Variants in TMEM143 observed in about 807,000 individuals in gnomAD.
TMEM143 encodes the protein transmembrane protein 143.
Under a neutral mutation model 40.3 loss-of-function variants are expected in TMEM143, and 45 were observed. The observed-to-expected ratio is 1.12, with a 90% CI of 0.88 to 1.43. TMEM143 has a LOEUF of 1.43. Ranked by LOEUF, TMEM143 falls within the 40% of genes most tolerant of loss-of-function variation. The probability of loss-of-function intolerance (pLI) is 0.00; values close to 1 mark genes in which losing one functional copy is unlikely to be tolerated. For missense variants in TMEM143, 620 were observed against 613.4 expected, an observed-to-expected ratio of 1.01 and a Z score of -0.11; for synonymous variants, 299 against 282.7, an observed-to-expected ratio of 1.06 and a Z score of -0.58.
intron 3 of TMEM143, 67 bp downstream of exon 3, chr19:48,360,005 G>C: frequency 6.7e-7 from 1 of 1,502,794 alleles, no homozygotes; most frequent in Non-Finnish European, 9.2e-7. Flanking sequence ...GAAGGTGTCA[G>C]GGAATGTTTG....
At chr19:48,355,836 T>C (rs1485616705) in intron 3 of TMEM143, among the ~76,000 whole-genome samples, 1 of 152,160 alleles carries the variant, frequency 6.6e-6, no homozygotes, top group Non-Finnish European at 1.5e-5. Context: ...TGCTGTGTGT[T>C]AATGTTGTCA....
chr19:48,358,308 C>G (rs1358215097), intron 3 of TMEM143, among the ~76,000 whole-genome samples: 2 of 151,410 alleles, frequency 1.3e-5, no homozygotes, highest in African/African-American at 2.4e-5. Context: ...CACTTCAACC[C>G]GGAAGACAGA....
chr19:48,347,797 C>G (rs534894817), intron 3 of TMEM143, among the ~76,000 whole-genome samples: 1 of 151,420 alleles, frequency 6.6e-6, no homozygotes, highest in South Asian at 2.1e-4. Flanking sequence ...ACCTTGTGAT[C>G]CACCTGCCTT....
chr19:48,348,996 C>A lies in TMEM143; in HGVS notation c.370-3642G>T, dbSNP rs146940962. On this transcript the variant is annotated intron_variant, in intron 3 of 7. Transcript: ENST00000293261. ...TTTGAAACCAGCCTGGGCAACACAG[C>A]AAGATCCCATCTCTACCAAAAAAAA... 1.7e-3 allele frequency among the ~76,000 whole-genome samples: 265 copies of A among 151,734 alleles called. 2 individuals carry two copies. Among genetic ancestry groups the A allele is most frequent in the African/African-American group, 6.1e-3 (251 of 41,366 alleles).
intron 6 of TMEM143, among the ~76,000 whole-genome samples, chr19:48,334,474 CTTTCTTTT>C (rs1176544262): frequency 2.5e-4 from 12 of 47,904 alleles, no homozygotes; most frequent in South Asian, 6.3e-4. Flanking sequence ...TTCTTTCTTT[CTTTCTTTT>C]TCTTTCTTTC....
rs1316711001 is a variant in TMEM143 at position 48,332,539 on chromosome 19, T to G, written c.*680A>C. ...CCGGGAGCCAGGTTGGGAGCGAGTC[T>G]TGGTGGCGAGGGTGGTTTCTGGTTC... On this transcript the variant is annotated 3_prime_UTR_variant, in exon 8 of 8. Transcript: ENST00000293261. 6.6e-6 allele frequency: 1 copy of G among 152,186 alleles called. No individual in the cohort carries two copies. Among genetic ancestry groups the G allele is most frequent in the Non-Finnish European group, 1.5e-5 (1 of 68,036 alleles). The allele number at this position is 152,186 out of a possible 1,614,324, so 9.4% of individuals were successfully genotyped here. A position where few individuals can be genotyped will look rare whatever the true frequency, so the allele number is the denominator to read the frequency against.
intron 3 of TMEM143, among the ~76,000 whole-genome samples, chr19:48,359,143 C>A (rs1969975623): frequency 6.6e-6 from 1 of 152,100 alleles, no homozygotes; most frequent in South Asian, 2.1e-4. Context: ...GCACTCCAGC[C>A]TGGGCAACAG....
chr19:48,363,608 C>T (rs1162386516), intron 1 of TMEM143, 77 bp from the exon 2 acceptor site: 3 of 1,516,128 alleles, frequency 2.0e-6, no homozygotes, highest in Middle Eastern at 1.8e-4. Flanking sequence ...GTCCCACCCT[C>T]CAGAAGCCGT....
intron 3 of TMEM143, among the ~76,000 whole-genome samples, chr19:48,357,847 T>C (rs1213566599): frequency 2.6e-5 from 4 of 151,912 alleles, no homozygotes; most frequent in Non-Finnish European, 2.9e-5. Context: ...AATAGCCGTA[T>C]TCTCACTTTA....
Position 48,363,297 on chromosome 19 carries a change from T to C in TMEM143, c.258A>G (p.Leu86=), listed in dbSNP as rs764325991. 6.8e-6 allele frequency: 11 copies of C among 1,613,484 alleles called. No individual in the cohort carries two copies. The highest frequency in any genetic ancestry group is 2.2e-5 in the East Asian group (1 of 44,886). Residue 86 remains leucine, a synonymous_variant, in exon 2 of 8, where the codon CTA becomes CTG. Coordinates refer to ENST00000293261, the MANE Select transcript of TMEM143 (RefSeq NM_018273.4). ...PFSKEQLLRL[L]IQEFHSSPAE... ...GGCCTGGGACAGGCGGTACCTGTATTAGGAGGCGGAGCAGCTGCTCCTTGG... is the reference window on the plus strand; with the variant it reads ...GGCCTGGGACAGGCGGTACCTGTATCAGGAGGCGGAGCAGCTGCTCCTTGG...
rs1969314623 is a variant in TMEM143 at position 48,334,465 on chromosome 19, TC to T, written c.976-269del. ...TTCTTTCTTTCTTTCTTTCTTTCTT[TC>T]TTTCTTTCTTTCTTTTTCTTTCTTT... On this transcript the variant is annotated intron_variant, in intron 6 of 7. Transcript: ENST00000293261. 3.7e-5 allele frequency among the ~76,000 whole-genome samples: 2 copies of T among 53,652 alleles called. 1 individual carries two copies. Among genetic ancestry groups the T allele is most frequent in the Non-Finnish European group, 9.6e-5 (2 of 20,788 alleles). 35.2% of individuals were successfully genotyped at this position (53,652 alleles called of 152,430 possible). A position where few individuals can be genotyped will look rare whatever the true frequency, so the allele number is the denominator to read the frequency against.
At chr19:48,342,002 C>T (rs959635116) in intron 6 of TMEM143, among the ~76,000 whole-genome samples, 2 of 149,972 alleles carry the variant, frequency 1.3e-5, no homozygotes, top group Non-Finnish European at 1.5e-5. Flanking sequence ...AGAAACCCCC[C>T]TAAGGGGTGT....
At chr19:48,354,858 A>G (rs1433970960) in intron 3 of TMEM143, among the ~76,000 whole-genome samples, 1 of 152,112 alleles carries the variant, frequency 6.6e-6, no homozygotes, top group Non-Finnish European at 1.5e-5. Context: ...AAAGGACTTA[A>G]GTCATCAGCA....
Position 48,334,133 on chromosome 19 carries a change from G to C in TMEM143, c.1040C>G (p.Thr347Arg), listed in dbSNP as rs768613206. The change falls in exon 7 of 8, where the codon ACG becomes AGG. Residue 347 changes from threonine to arginine, a missense_variant. By Grantham distance (71) the Thr-to-Arg change is moderately conservative. Transcript: ENST00000293261. ...ELAHMLYYRS[T>R]SNNSELLSAL... ...GCTGAGCAGCTCCGAGTTGTTGGAC[G>C]TACTGCGATAGTACAGCATGTGCGC... is the stretch of plus-strand genomic sequence containing the variant. 1.1e-5 allele frequency: 18 copies of C among 1,607,590 alleles called. No homozygotes were observed. Among genetic ancestry groups the C allele is most frequent in the Non-Finnish European group, 1.4e-5 (16 of 1,177,654 alleles).
chr19:48,334,452 TTCTTTC>T (rs1969308841), intron 6 of TMEM143, among the ~76,000 whole-genome samples: 1 of 46,254 alleles, frequency 2.2e-5, no homozygotes, highest in African/African-American at 9.0e-5. Flanking sequence ...CTTTCTTTCT[TTCTTTC>T]TTTCTTTCTT....
Position 48,363,360 on chromosome 19 carries a change from G to A in TMEM143, c.195C>T (p.Asp65=). 3 of 1,614,246 alleles carry A rather than the reference G, an allele frequency of 1.9e-6. No individual in the cohort carries two copies. Among genetic ancestry groups the A allele is most frequent in the Non-Finnish European group, 2.5e-6 (3 of 1,180,042 alleles). The change falls in exon 2 of 8, where the codon GAC becomes GAT. Residue 65 remains aspartate (D), a synonymous_variant. Transcript: ENST00000293261. ...RKMWNPREPR[D]WAQQYRERFI... is the part of the protein sequence containing the mutation. ...AGCGCTCGCGGTACTGCTGGGCCCA[G>A]TCGCGGGGCTCCCTGGGGTTCCACA...
chr19:48,355,264 C>T (rs1202888039), intron 3 of TMEM143, among the ~76,000 whole-genome samples: 2 of 152,018 alleles, frequency 1.3e-5, no homozygotes, highest in African/African-American at 2.4e-5. Context: ...CTCCTGGGCT[C>T]AAGTGATCCG....
intron 1 of TMEM143, 133 bp downstream of exon 1, chr19:48,363,765 G>T: frequency 6.7e-7 from 1 of 1,495,456 alleles, no homozygotes; most frequent in Non-Finnish European, 9.3e-7. Context: ...CAGAGACCCT[G>T]TAGTGGTACA....
At chr19:48,338,272 C>G (rs1969416242) in intron 6 of TMEM143, among the ~76,000 whole-genome samples, 1 of 152,200 alleles carries the variant, frequency 6.6e-6, no homozygotes, top group Non-Finnish European at 1.5e-5. Flanking sequence ...CTGCATCACT[C>G]CAGCCTCCTC....
Sources: allele counts gnomAD v4.1 joint callset (sites outside exome capture counted in the v4.1 genomes callset), GRCh38; gene constraint gnomAD v4.1.1; transcripts MANE v1.5; gene names NCBI Gene and HGNC (gene_info 2026-07-23, HGNC 2026-07-21).